NT5C2: variants seen among roughly 807,000 people sequenced by gnomAD.
The protein encoded by NT5C2 is 5'-nucleotidase, cytosolic II, also known as cytosolic purine 5'-nucleotidase.
A neutral mutation model predicts 76.1 loss-of-function variants in NT5C2; 58 were observed. The observed-to-expected ratio is 0.76, with a 90% CI of 0.62 to 0.95. The LOEUF (loss-of-function observed/expected upper bound fraction) is 0.95, where lower values mean the gene tolerates loss of function less well. Ranked by LOEUF, NT5C2 falls within the 40% of genes least tolerant of loss-of-function variation. NT5C2 has a pLI of 0.00. For synonymous variants in NT5C2, 229 were observed against 237.4 expected (o/e 0.96, Z 0.32); for missense variants, 478 against 690.3 (o/e 0.69, Z 3.45).
downstream of NT5C2, chr10:103,088,035 T>TAATC (rs954460492): frequency 8.7e-5 from 13 of 150,050 alleles, no homozygotes; most frequent in African/African-American, 2.7e-4. Flanking sequence ...TGTTAGAACA[T>TAATC]AATCAGTTCT....
chr10:103,090,817 C>T, intron 17 of NT5C2, 30 bp from the exon 18 acceptor site: 1 of 1,610,200 alleles, frequency 6.2e-7, no homozygotes, highest in Non-Finnish European at 8.5e-7. Context: ...TGATTCTTGG[C>T]TCATTCAACA....
In NT5C2 at chr10:103,099,794, A is replaced by G. The variant is rs527380430; in HGVS notation, c.633+132T>C. ...AAGAACAAATGTATTCTAGAGGGCT[A>G]TCACTAGGCGGGGGCAAATCTGTTT... is the stretch of plus-strand genomic sequence containing the variant. On this transcript the variant is annotated intron_variant, in intron 9 of 18. Coordinates refer to ENST00000404739, the MANE Select transcript of NT5C2 (RefSeq NM_001351169.2). 6 of 574,274 alleles carry G rather than the reference A, an allele frequency of 1.0e-5. No homozygotes were observed. In the East Asian group the frequency reaches 1.8e-4, roughly 17 times the overall value. The allele number at this position is 574,274 out of a possible 1,614,324, so 35.6% of individuals were successfully genotyped here. A position where few individuals can be genotyped will look rare whatever the true frequency, so the allele number is the denominator to read the frequency against.
At chr10:103,091,494 G>T in intron 16 of NT5C2, 70 bp downstream of exon 16, 2 of 1,238,612 alleles carry the variant, frequency 1.6e-6, no homozygotes, top group Non-Finnish European at 1.2e-6. Context: ...TACTGGCCTG[G>T]AAAGAACATT....
chr10:103,110,985 T>A (rs1049301172), intron 4 of NT5C2, among the ~76,000 whole-genome samples: 1 of 152,098 alleles, frequency 6.6e-6, no homozygotes, highest in Non-Finnish European at 1.5e-5. Context: ...AAAATAAAAT[T>A]CCTTTTTTAA....
intron 4 of NT5C2, among the ~76,000 whole-genome samples, chr10:103,132,505 C>T (rs940278497): frequency 8.5e-5 from 13 of 152,088 alleles, no homozygotes; most frequent in African/African-American, 3.1e-4. Context: ...GAAAGGAGAA[C>T]TCTCTAAATT....
At chr10:103,130,551 T>TA (rs1202411613) in intron 4 of NT5C2, among the ~76,000 whole-genome samples, 1 of 49,308 alleles carries the variant, frequency 2.0e-5, no homozygotes, top group South Asian at 5.1e-4. Context: ...GAATTATCAA[T>TA]AAAAAAATAA....
At chr10:103,166,714 G>A (rs905454153) in intron 3 of NT5C2, among the ~76,000 whole-genome samples, 3 of 149,534 alleles carry the variant, frequency 2.0e-5, no homozygotes, top group Admixed American at 2.0e-4. Context: ...GTGCAATGGC[G>A]CAATCAAAAC....
In NT5C2 at chr10:103,088,259, T is replaced by C. The variant is rs1043035022; in HGVS notation, c.*1413A>G. ...ATATACAATGGTTAAAGAAAGAGTC[T>C]ATAACCACTGTTTGTTTAAAATGTT... On this transcript the variant is annotated 3_prime_UTR_variant, in exon 19 of 19. Coordinates refer to ENST00000404739, the MANE Select transcript of NT5C2 (RefSeq NM_001351169.2). The C allele has an allele frequency of 2.6e-5, 4 of 152,264 alleles. No individual in the cohort carries two copies. Among genetic ancestry groups the C allele is most frequent in the Non-Finnish European group, 4.4e-5 (3 of 68,048 alleles). The allele number at this position is 152,264 out of a possible 1,614,324, so 9.4% of individuals were successfully genotyped here.
intron 2 of NT5C2, among the ~76,000 whole-genome samples, chr10:103,178,278 T>C (rs1267604319): frequency 6.6e-6 from 1 of 152,248 alleles, no homozygotes; most frequent in East Asian, 1.9e-4. Context: ...CCAGGCGCAG[T>C]GGCTCATGCC....
intron 4 of NT5C2, among the ~76,000 whole-genome samples, chr10:103,107,254 CTG>C (rs2071531876): frequency 6.6e-6 from 1 of 152,156 alleles, no homozygotes; most frequent in African/African-American, 2.4e-5. Flanking sequence ...GTTAGATTAA[CTG>C]TTTTCTTATC....
At chr10:103,140,787 T>A (rs1174922175) in intron 3 of NT5C2, among the ~76,000 whole-genome samples, 1 of 152,252 alleles carries the variant, frequency 6.6e-6, no homozygotes, top group Non-Finnish European at 1.5e-5. Context: ...TGATTAATGA[T>A]GTTAAGCTCC....
intron 18 of NT5C2, 93 bp from the exon 19 acceptor site, chr10:103,090,001 C>T (rs979347057): frequency 2.1e-6 from 2 of 935,122 alleles, no homozygotes; most frequent in Non-Finnish European, 3.2e-6. Context: ...GGTGGCCATG[C>T]AATTACATCT....
chr10:103,092,930 G>A (rs1039920400), intron 15 of NT5C2, among the ~76,000 whole-genome samples: 1 of 152,134 alleles, frequency 6.6e-6, no homozygotes, highest in East Asian at 1.9e-4. Flanking sequence ...ATTCAAGAAG[G>A]TTAAACAAGA....
chr10:103,147,833 A>G (rs899046905), intron 3 of NT5C2, among the ~76,000 whole-genome samples: 4 of 152,182 alleles, frequency 2.6e-5, no homozygotes, highest in Non-Finnish European at 5.9e-5. Context: ...GGGAACGGGC[A>G]GTTTCCGCTA....
chr10:103,092,358 A>ACGTC (rs2067146374), intron 15 of NT5C2, among the ~76,000 whole-genome samples: 1 of 151,808 alleles, frequency 6.6e-6, no homozygotes, highest in African/African-American at 2.4e-5. Context: ...AAAGGCTGTC[A>ACGTC]TGTCTATCTT....
intron 1 of NT5C2, among the ~76,000 whole-genome samples, chr10:103,184,066 C>T (rs190290150): frequency 7.5e-4 from 114 of 151,380 alleles, no homozygotes; most frequent in African/African-American, 2.6e-3. Context: ...GATTCTCCTG[C>T]GTCAGCCTCC....
chr10:103,164,698 A>ATC lies in NT5C2; in HGVS notation c.101+10158_101+10159dup, dbSNP rs1031280830. On this transcript the variant is annotated intron_variant, in intron 3 of 18. Coordinates refer to ENST00000404739, the MANE Select transcript of NT5C2 (RefSeq NM_001351169.2). ...ATTACTGATACAAAAACATGAATAA[A>ATC]TCTCTCTCTCAGACATTACAATTAA... Among the ~76,000 whole-genome samples, 2 of 152,184 alleles carry ATC rather than the reference A, an allele frequency of 1.3e-5. 1 individual carries two copies. Among genetic ancestry groups the ATC allele is most frequent in the South Asian group, 4.1e-4 (2 of 4,834 alleles).
At position 103,185,918 on chromosome 10, in the gene NT5C2, T is replaced by C. The variant is rs193005235; in HGVS notation, c.-168-4590A>G. On this transcript the variant is annotated intron_variant, in intron 1 of 18. Transcript: ENST00000404739. ...AATTCAGAGATATGCATGAGTTCGA[T>C]GCCTTAATAATGCTAACATAATAAC... 1.4e-3 allele frequency among the ~76,000 whole-genome samples: 211 copies of C among 152,342 alleles called. 1 individual carries two copies. The highest frequency in any genetic ancestry group is 4.6e-3 in the African/African-American group (190 of 41,588).
chr10:103,186,669 C>G (rs1376070915), intron 1 of NT5C2, among the ~76,000 whole-genome samples: 1 of 152,138 alleles, frequency 6.6e-6, no homozygotes, highest in African/African-American at 2.4e-5. Flanking sequence ...AATCCCAGCA[C>G]TTTGGGAGGC....
Sources: gnomAD v4.1 joint callset for allele counts (sites outside exome capture counted in the v4.1 genomes callset) on GRCh38, gnomAD v4.1.1 for gene constraint, MANE v1.5 for transcripts, NCBI Gene and HGNC (gene_info 2026-07-23, HGNC 2026-07-21) for gene names.